Variants in IQGAP1 observed in about 807,000 individuals in gnomAD.
IQGAP1 encodes ras GTPase-activating-like protein IQGAP1.
Under a neutral mutation model 215.6 loss-of-function variants are expected in IQGAP1, and 66 were observed. The observed-to-expected ratio is 0.31, with a 90% confidence interval of 0.25 to 0.38. The LOEUF (loss-of-function observed/expected upper bound fraction) is 0.38. IQGAP1 is among the 10% of genes least tolerant of loss of function. The pLI is 1.00. For missense variants in IQGAP1, 1,712 were observed against 1,997.1 expected, an observed-to-expected ratio of 0.86 and a Z score of 2.72; for synonymous variants, 772 against 728.7, an observed-to-expected ratio of 1.06 and a Z score of -0.96.
rs1456978648 is a variant in IQGAP1 at position 90,492,725 on chromosome 15, C to A, written c.4628+14C>A. The A allele has an allele frequency of 1.9e-6, 3 of 1,593,718 alleles. No individual in the cohort carries two copies. The Admixed American group carries it at 5.5e-5, about 29-fold the overall frequency. On this transcript the variant is annotated intron_variant, in intron 35 of 37. Coordinates refer to ENST00000268182, the MANE Select transcript of IQGAP1 (RefSeq NM_003870.4). The stretch of plus-strand genomic sequence containing the variant: ...CAGCAAGGGCAAGTGAGTATTTTTT[C>A]TTTTTAAAGAATCAATGTCAGAATT...
At chr15:90,409,637 A>T (rs192795527) in intron 2 of IQGAP1, among the ~76,000 whole-genome samples, 12 of 152,152 alleles carry the variant, frequency 7.9e-5, no homozygotes, top group African/African-American at 1.2e-4. Context: ...GGCTTCCCAA[A>T]ATGCTGGGAT....
chr15:90,431,439 A>G (rs146405300), intron 4 of IQGAP1, among the ~76,000 whole-genome samples: 59 of 152,356 alleles, frequency 3.9e-4, no homozygotes, highest in African/African-American at 1.4e-3. Flanking sequence ...TTTTTTATAT[A>G]GTATATTGCC....
rs542878519 is a variant in IQGAP1, at chr15:90,449,252, A to G, written c.1078-307A>G. On this transcript the variant is annotated intron_variant, in intron 10 of 37. Coordinates refer to ENST00000268182, the MANE Select transcript of IQGAP1 (RefSeq NM_003870.4). ...TATACATTTTACAAATATCCAGCGT[A>G]CGTTGGTCAAAGTAAGTAGCATTAA... Among the ~76,000 whole-genome samples the G allele has an allele frequency of 1.2e-4, 18 of 152,256 alleles. No homozygotes were observed. The South Asian group carries it at 3.7e-3, about 32-fold the overall frequency.
intron 18 of IQGAP1, among the ~76,000 whole-genome samples, chr15:90,472,453 A>G (rs1965919112): frequency 6.6e-6 from 1 of 152,054 alleles, no homozygotes; most frequent in African/African-American, 2.4e-5. Context: ...GATGTCCTGC[A>G]TTGTGACATT....
At chr15:90,429,793 G>T in intron 4 of IQGAP1, 127 bp downstream of exon 4, 2 of 546,154 alleles carry the variant, frequency 3.7e-6, no homozygotes, top group South Asian at 3.3e-5. Flanking sequence ...AATACTAAAA[G>T]ATGTCTTTCT....
chr15:90,451,078 C>T (rs1273504416), intron 11 of IQGAP1, among the ~76,000 whole-genome samples: 1 of 152,050 alleles, frequency 6.6e-6, no homozygotes, highest in Non-Finnish European at 1.5e-5. Context: ...ATGTTTTCTT[C>T]CAGTCGCTTC....
intron 15 of IQGAP1, among the ~76,000 whole-genome samples, chr15:90,456,728 A>T (rs1372719649): frequency 6.6e-6 from 1 of 150,500 alleles, no homozygotes; most frequent in Non-Finnish European, 1.5e-5. Context: ...AAAAAAAAAA[A>T]AATACAAAAA....
rs1965417072 is a variant in IQGAP1, at chr15:90,439,392, C to G, written c.528C>G (p.Asp176Glu). 6.2e-7 allele frequency: 1 copy of G among 1,611,600 alleles called. No homozygotes were observed. Among genetic ancestry groups the G allele is most frequent in the South Asian group, 1.1e-5 (1 of 90,932 alleles). ...TTCAAGACCTATATGGAAAGGTTGA[C>G]TTCACAGGTAAGGAGTTAGATACTT... is the stretch of plus-strand genomic sequence containing the variant. ...PQIQDLYGKV[D>E]FTEEEINNMK... The change falls in exon 6 of 38, where the codon GAC becomes GAG. Residue 176 changes from aspartate to glutamate, a missense_variant. By Grantham distance (45) the Asp-to-Glu change is conservative. Coordinates refer to ENST00000268182, the MANE Select transcript of IQGAP1 (RefSeq NM_003870.4).
Position 90,480,873 on chromosome 15 carries a change from G to T in IQGAP1, c.3330-1087G>T, listed in dbSNP as rs563458575. Among the ~76,000 whole-genome samples, 4 of 152,272 alleles carry T rather than the reference G, an allele frequency of 2.6e-5. No homozygotes were observed. The East Asian group carries it at 7.7e-4, about 29-fold the overall frequency. ...AGTAAAGATGGGGTTTCTCCATGTT[G>T]GCCAGGCTGGTCTCAAACTCCTGAC... On this transcript the variant is annotated intron_variant, in intron 26 of 37. Coordinates refer to ENST00000268182, the MANE Select transcript of IQGAP1 (RefSeq NM_003870.4).
intron 18 of IQGAP1, 92 bp downstream of exon 18, chr15:90,467,684 G>A (rs2012931946): frequency 7.6e-7 from 1 of 1,319,498 alleles, no homozygotes; most frequent in African/African-American, 1.5e-5. Context: ...GTGGTCAGAA[G>A]CCCTAGACTA....
At chr15:90,390,230 T>A (rs1306686585) in intron 1 of IQGAP1, among the ~76,000 whole-genome samples, 3 of 152,222 alleles carry the variant, frequency 2.0e-5, no homozygotes, top group African/African-American at 7.2e-5. Flanking sequence ...AGCTCAGGCT[T>A]TGGAGACAGA....
Position 90,497,344 on chromosome 15 carries a change from G to A in IQGAP1, c.4860+4G>A. 1.3e-6 allele frequency: 2 copies of A among 1,518,016 alleles called. No individual in the cohort carries two copies. The highest frequency in any genetic ancestry group is 1.8e-6 in the Non-Finnish European group (2 of 1,095,852). 94.0% of individuals were successfully genotyped at this position (1,518,016 alleles called of 1,614,324 possible). Reference sequence around the variant, plus strand: ...GACTTTTATGTTACATTATCAGGTGGGTATGCACCAGCAGGAACCAAAAAC... The same window carrying A: ...GACTTTTATGTTACATTATCAGGTGAGTATGCACCAGCAGGAACCAAAAAC... On this transcript the variant is annotated splice_donor_region_variant and intron_variant, in intron 37 of 37. Coordinates refer to ENST00000268182, the MANE Select transcript of IQGAP1 (RefSeq NM_003870.4).
chr15:90,411,774 T>C (rs1424498713), intron 2 of IQGAP1, among the ~76,000 whole-genome samples: 5 of 152,206 alleles, frequency 3.3e-5, no homozygotes, highest in African/African-American at 1.2e-4. Flanking sequence ...AGGTCTTTCA[T>C]GCTCCATGGT....
rs895718049 is a variant in IQGAP1, at chr15:90,497,334, T to C, written c.4854T>C (p.His1618=). ...MGVQMETFML[H]YQDLLQLQYE... is the part of the protein sequence containing the mutation. Reference sequence around the variant, plus strand: ...TTCAAATGGAGACTTTTATGTTACATTATCAGGTGGGTATGCACCAGCAGG... The same window carrying C: ...TTCAAATGGAGACTTTTATGTTACACTATCAGGTGGGTATGCACCAGCAGG... Residue 1618 remains histidine, a synonymous_variant, in exon 37 of 38, where the codon CAT becomes CAC. Coordinates refer to ENST00000268182, the MANE Select transcript of IQGAP1 (RefSeq NM_003870.4). The C allele has an allele frequency of 1.9e-6, 3 of 1,575,868 alleles. No individual in the cohort carries two copies. Among genetic ancestry groups the C allele is most frequent in the Admixed American group, 3.3e-5 (2 of 59,818 alleles).
intron 2 of IQGAP1, among the ~76,000 whole-genome samples, chr15:90,421,924 G>A (rs1965143216): frequency 6.6e-6 from 1 of 152,242 alleles, no homozygotes; most frequent in Non-Finnish European, 1.5e-5. Context: ...GCCTCCCAAA[G>A]TGCTGGGATT....
chr15:90,474,868 G>A (rs949241923), intron 23 of IQGAP1, 175 bp downstream of exon 23: 12 of 589,816 alleles, frequency 2.0e-5, no homozygotes, highest in African/African-American at 1.5e-4. Flanking sequence ...GTTGTAGTGC[G>A]ATGTGATCTC....
At chr15:90,472,318 A>C (rs976529565) in intron 18 of IQGAP1, among the ~76,000 whole-genome samples, 1 of 152,186 alleles carries the variant, frequency 6.6e-6, no homozygotes, top group East Asian at 1.9e-4. Flanking sequence ...CCTTTGCTTG[A>C]CAAAATTTCC....
chr15:90,486,852 C>T, intron 31 of IQGAP1, 102 bp from the exon 32 acceptor site: 1 of 1,187,936 alleles, frequency 8.4e-7, no homozygotes, highest in Middle Eastern at 2.0e-4. Flanking sequence ...TTAGGTGATT[C>T]AAGTATTATC....
intron 2 of IQGAP1, among the ~76,000 whole-genome samples, chr15:90,405,846 A>C (rs1175099924): frequency 1.3e-5 from 2 of 150,522 alleles, no homozygotes; most frequent in Admixed American, 1.3e-4. Flanking sequence ...TTTGGACTCT[A>C]AGACTTTCTT....
Sources: gnomAD v4.1 joint callset for allele counts (sites outside exome capture counted in the v4.1 genomes callset) on GRCh38, gnomAD v4.1.1 for gene constraint, MANE v1.5 for transcripts, NCBI Gene and HGNC (gene_info 2026-07-23, HGNC 2026-07-21) for gene names.